The following DNAH11 variants were observed in gnomAD, a reference collection of about 807,000 sequenced individuals.
The protein encoded by DNAH11 is dynein axonemal heavy chain 11.
In DNAH11, 442 loss-of-function variants were observed where a neutral mutation model predicts 526.0. The ratio of observed to expected loss-of-function variants is 0.84; its 90% CI spans 0.78 to 0.91. DNAH11 has a LOEUF of 0.91. Ranked by LOEUF, DNAH11 falls within the 40% of genes least tolerant of loss-of-function variation. The pLI is 0.00. For missense variants in DNAH11, 6,989 were observed against 5,448.7 expected, an observed-to-expected ratio of 1.28 and a Z score of -8.90; for synonymous variants, 2,461 against 1,935.9, an observed-to-expected ratio of 1.27 and a Z score of -7.12.
intron 25 of DNAH11, among the ~76,000 whole-genome samples, chr7:21,631,106 A>T (rs1177515235): frequency 6.6e-6 from 1 of 152,216 alleles, no homozygotes; most frequent in Non-Finnish European, 1.5e-5. Context: ...CTTGTCTCAC[A>T]TGGCAGCAGA....
chr7:21,884,589 A>C (rs1170938164), intron 76 of DNAH11, among the ~76,000 whole-genome samples, 179 bp downstream of exon 76: 1 of 152,188 alleles, frequency 6.6e-6, no homozygotes, highest in Non-Finnish European at 1.5e-5. Context: ...CAGAATCAGA[A>C]TCTGCATTTT....
chr7:21,878,212 C>T (rs921559848), intron 74 of DNAH11, among the ~76,000 whole-genome samples: 12 of 152,272 alleles, frequency 7.9e-5, no homozygotes, highest in African/African-American at 2.9e-4. Flanking sequence ...CTTCAGAAAG[C>T]CTGATTCATA....
At chr7:21,662,748 T>C (rs1231786946) in intron 30 of DNAH11, among the ~76,000 whole-genome samples, 1 of 152,100 alleles carries the variant, frequency 6.6e-6, no homozygotes, top group African/African-American at 2.4e-5. Context: ...GACTAATAGC[T>C]CCCCAAACCT....
rs1785297774 is a variant in DNAH11, at chr7:21,606,639, A to G, written c.3766-8A>G. The G allele has an allele frequency of 3.6e-6, 5 of 1,381,282 alleles. No homozygotes were observed. The highest frequency in any genetic ancestry group is 4.9e-6 in the Non-Finnish European group (5 of 1,016,734). 85.6% of individuals were successfully genotyped at this position (1,381,282 alleles called of 1,614,324 possible). Reference sequence around the variant, plus strand: ...ACTTTTTTTTTTTTTTTTTTTTGCAATGATCAGGCAAAGCAGGCAGAGTTC... The same window carrying G: ...ACTTTTTTTTTTTTTTTTTTTTGCAGTGATCAGGCAAAGCAGGCAGAGTTC... On this transcript the variant is annotated splice_region_variant and splice_polypyrimidine_tract_variant and intron_variant, in intron 19 of 81. Coordinates refer to ENST00000409508, the MANE Select transcript of DNAH11 (RefSeq NM_001277115.2).
At chr7:21,661,001 A>G (rs567387716) in intron 30 of DNAH11, among the ~76,000 whole-genome samples, 2 of 152,132 alleles carry the variant, frequency 1.3e-5, no homozygotes, top group African/African-American at 4.8e-5. Context: ...CTGGTTGTCT[A>G]ACTTCTTATC....
chr7:21,582,630 A>T (rs1314568621), intron 9 of DNAH11, among the ~76,000 whole-genome samples: 1 of 152,216 alleles, frequency 6.6e-6, no homozygotes, highest in African/African-American at 2.4e-5. Flanking sequence ...ATAAAAGAAA[A>T]GCATCTCAAT....
intron 5 of DNAH11, among the ~76,000 whole-genome samples, chr7:21,562,855 TACAC>T (rs1174711378): frequency 6.6e-6 from 1 of 152,202 alleles, no homozygotes; most frequent in African/African-American, 2.4e-5. Flanking sequence ...ATGAACTGGT[TACAC>T]AGACAGATTA....
chr7:21,600,141 A>G (rs1483644733), intron 15 of DNAH11, 22 bp downstream of exon 15: 1 of 1,513,634 alleles, frequency 6.6e-7, no homozygotes. Context: ...GTAAATGGGT[A>G]TTTAGCTTTT....
At chr7:21,843,168 A>G (rs1306409536) in intron 66 of DNAH11, among the ~76,000 whole-genome samples, 3 of 152,262 alleles carry the variant, frequency 2.0e-5, no homozygotes, top group Non-Finnish European at 4.4e-5. Flanking sequence ...GGCCTTAAGT[A>G]TATTAAGAAA....
At chr7:21,842,807 G>A (rs1027598944) in intron 66 of DNAH11, 59 bp downstream of exon 66, 5 of 1,402,628 alleles carry the variant, frequency 3.6e-6, no homozygotes, top group Admixed American at 2.4e-5. Flanking sequence ...ACAAATCACA[G>A]TGCTAGACAT....
At chr7:21,601,816 G>C (rs1381587120) in intron 18 of DNAH11, among the ~76,000 whole-genome samples, 198 bp downstream of exon 18, 1 of 151,822 alleles carries the variant, frequency 6.6e-6, no homozygotes, top group East Asian at 1.9e-4. Flanking sequence ...AGTAAAGCCA[G>C]CCAACACTCT....
intron 54 of DNAH11, among the ~76,000 whole-genome samples, chr7:21,765,113 A>G (rs1373159393): frequency 7.2e-5 from 11 of 152,190 alleles, no homozygotes; most frequent in African/African-American, 2.4e-5. Context: ...TTTTATTTTT[A>G]TTATAATGTT....
Position 21,748,593 on chromosome 7 carries a change from C to T in DNAH11, c.8524C>T (p.Arg2842Trp), listed in dbSNP as rs1265787683. The change falls in exon 52 of 82, where the codon CGG becomes TGG. Residue 2842 changes from arginine (R) to tryptophan (W), a missense_variant. Transcript: ENST00000409508. Reference protein sequence around the residue: ...DAMQHVCRISRILRTPQGCAL... With the variant: ...DAMQHVCRISWILRTPQGCAL... ...TCCTTTCCTCAGGTGTCGCATCAGC[C>T]GGATCTTACGAACCCCTCAGGGCTG... 3.9e-6 allele frequency: 6 copies of T among 1,544,624 alleles called. No individual in the cohort carries two copies. The highest frequency in any genetic ancestry group is 2.3e-5 in the East Asian group (1 of 42,894).
At chr7:21,724,366 C>T (rs1784992698) in intron 44 of DNAH11, among the ~76,000 whole-genome samples, 1 of 152,176 alleles carries the variant, frequency 6.6e-6, no homozygotes, top group Admixed American at 6.5e-5. Context: ...GCAAGCTCTC[C>T]CTGCAAACAC....
chr7:21,817,723 C>G (rs915619812), intron 64 of DNAH11, among the ~76,000 whole-genome samples: 4 of 151,672 alleles, frequency 2.6e-5, no homozygotes, highest in African/African-American at 9.7e-5. Flanking sequence ...TTTTGTTTGT[C>G]TGAATACTTG....
intron 42 of DNAH11, 103 bp downstream of exon 42, chr7:21,711,963 C>A: frequency 7.7e-7 from 1 of 1,304,334 alleles, no homozygotes; most frequent in Non-Finnish European, 1.1e-6. Context: ...GCACAGCTGT[C>A]ACCACCATCC....
intron 73 of DNAH11, among the ~76,000 whole-genome samples, chr7:21,871,113 T>G (rs1246639635): frequency 6.6e-6 from 1 of 152,206 alleles, no homozygotes; most frequent in Non-Finnish European, 1.5e-5. Context: ...ATTATTATGA[T>G]TAGATAGAGC....
At chr7:21,694,172 ATTATTTTTTAAGTT>A (rs929633159) in intron 35 of DNAH11, among the ~76,000 whole-genome samples, 5 of 152,148 alleles carry the variant, frequency 3.3e-5, no homozygotes, top group African/African-American at 1.2e-4. Flanking sequence ...TTCCCTTATT[ATTATTTTTTAAGTT>A]TTATTTTTAT....
intron 26 of DNAH11, 23 bp downstream of exon 26, chr7:21,636,118 G>C (rs1173730611): frequency 6.4e-7 from 1 of 1,559,520 alleles, no homozygotes; most frequent in East Asian, 2.3e-5. Flanking sequence ...CAGGCTGTAT[G>C]CTATTCTAGC....
Sources: allele counts gnomAD v4.1 joint callset (sites outside exome capture counted in the v4.1 genomes callset), GRCh38; gene constraint gnomAD v4.1.1; transcripts MANE v1.5; gene names NCBI Gene and HGNC (gene_info 2026-07-23, HGNC 2026-07-21).